FNBP1: variants seen among roughly 807,000 people sequenced by gnomAD.
FNBP1 encodes the protein formin-binding protein 1.
Under a neutral mutation model 90.6 loss-of-function variants are expected in FNBP1, and 26 were observed. The ratio of observed to expected loss-of-function variants is 0.29; its 90% CI spans 0.21 to 0.40. The LOEUF is 0.40. Among genes scored for constraint, FNBP1 ranks in the 10% least tolerant of loss-of-function variants. The probability of loss-of-function intolerance (pLI) is 1.00; values close to 1 mark genes in which losing one functional copy is unlikely to be tolerated. For missense variants in FNBP1, 635 were observed against 768.0 expected (o/e 0.83, Z 2.05); for synonymous variants, 260 against 265.2 (o/e 0.98, Z 0.19).
chr9:129,916,541 TGGGA>T, intron 10 of FNBP1, among the ~76,000 whole-genome samples: 1 of 150,850 alleles, frequency 6.6e-6, no homozygotes, highest in Non-Finnish European at 1.5e-5. Flanking sequence ...CGCTTGAACC[TGGGA>T]GACGGAGGTT....
intron 4 of FNBP1, among the ~76,000 whole-genome samples, chr9:129,972,315 G>A (rs916074070): frequency 4.6e-5 from 7 of 151,844 alleles, no homozygotes; most frequent in Admixed American, 1.3e-4. Flanking sequence ...TATATTTTTA[G>A]TAAAGATGGG....
In FNBP1 at chr9:129,890,398, GGA is replaced by G. The variant is rs35785998; in HGVS notation, c.*139_*140del. On this transcript the variant is annotated 3_prime_UTR_variant, in exon 17 of 17. Transcript: ENST00000446176. This position sits in a 1 kb window ranked among gnomAD's most constrained non-coding sequence, Gnocchi z 5.8. ...AGGGCAGGGCCGCAGGGAGCATGCT[GGA>G]GAGAGAGAGAGACCGCCCCGCAGGG... 1.1e-4 allele frequency: 64 copies of G among 556,544 alleles called. No homozygotes were observed. The highest frequency in any genetic ancestry group is 4.7e-4 in the Middle Eastern group (1 of 2,124). The allele number at this position is 556,544 out of a possible 1,614,324, so 34.5% of individuals were successfully genotyped here. A position where few individuals can be genotyped will look rare whatever the true frequency, so the allele number is the denominator to read the frequency against.
chr9:130,006,281 A>T (rs1351436997), intron 1 of FNBP1, among the ~76,000 whole-genome samples: 1 of 152,054 alleles, frequency 6.6e-6, no homozygotes, highest in African/African-American at 2.4e-5. Context: ...CGTCTCTACT[A>T]AAAATACAAA....
chr9:130,046,972 G>T (rs147903021), upstream of FNBP1, among the ~76,000 whole-genome samples: 513 of 152,100 alleles, frequency 3.4e-3, 7 homozygotes, highest in African/African-American at 0.012. Flanking sequence ...TTTATAAACA[G>T]TTCGTCAAAA....
chr9:130,008,291 A>G (rs1423744149), intron 1 of FNBP1, among the ~76,000 whole-genome samples: 1 of 151,916 alleles, frequency 6.6e-6, no homozygotes, highest in Non-Finnish European at 1.5e-5. Flanking sequence ...TCGAGGCTGC[A>G]GTGAGCCAGA....
chr9:130,047,054 C>T (rs1171180414), upstream of FNBP1, among the ~76,000 whole-genome samples: 1 of 151,992 alleles, frequency 6.6e-6, no homozygotes, highest in Non-Finnish European at 1.5e-5. Context: ...GAGGACCAAG[C>T]CCTCAATTTG....
intron 1 of FNBP1, among the ~76,000 whole-genome samples, chr9:130,009,595 G>A (rs539496275): frequency 6.6e-6 from 1 of 152,214 alleles, no homozygotes; most frequent in African/African-American, 2.4e-5. Flanking sequence ...AAGGTCAAGA[G>A]ATTGAGACTA....
intron 6 of FNBP1, 37 bp from the exon 7 acceptor site, chr9:129,929,732 A>C (rs2042439775): frequency 1.2e-6 from 2 of 1,608,474 alleles, no homozygotes; most frequent in Non-Finnish European, 1.7e-6. Flanking sequence ...ACGTTTATAC[A>C]CCATAGATAA....
At chr9:130,002,126 T>C (rs1422662977) in intron 1 of FNBP1, among the ~76,000 whole-genome samples, 1 of 151,022 alleles carries the variant, frequency 6.6e-6, no homozygotes, top group Admixed American at 6.6e-5. Context: ...CCTGCGGAGG[T>C]TGCAGTGAGC....
At position 130,026,168 on chromosome 9, in the gene FNBP1, G is replaced by A. The variant is rs551121633; in HGVS notation, c.24+16784C>T. On this transcript the variant is annotated intron_variant, in intron 1 of 16. Coordinates refer to ENST00000446176, the MANE Select transcript of FNBP1 (RefSeq NM_015033.3). The stretch of plus-strand genomic sequence containing the variant: ...CCAGATCCACACTCTTGAACAATAT[G>A]ACACACTGACTAAATTGTAGAAATC... Among the ~76,000 whole-genome samples the A allele has an allele frequency of 3.9e-5, 6 of 152,194 alleles. No homozygotes were observed. The South Asian group carries it at 1.2e-3, about 32-fold the overall frequency.
At position 129,900,454 on chromosome 9, in the gene FNBP1, C is replaced by T. The variant is rs750723554; in HGVS notation, c.1522G>A (p.Val508Ile). Residue 508 changes from valine (V) to isoleucine (I), a missense_variant, in exon 14 of 17, where the codon GTC becomes ATC. Physicochemically the swap from Val to Ile is conservative, Grantham distance 29. Coordinates refer to ENST00000446176, the MANE Select transcript of FNBP1 (RefSeq NM_015033.3). The surrounding 1 kb of genome is among the most constrained non-coding windows in gnomAD (Gnocchi z 4.1). The part of the protein sequence containing the change: ...GLYDSQNPPT[V>I]NNCAQDRESP... The stretch of plus-strand genomic sequence containing the variant: ...TCACGGTCCTGGGCGCAGTTGTTGA[C>T]TGTGGGTGGGTTCTGGCTGTCGTAC... 1 of 1,604,092 alleles carries T rather than the reference C, an allele frequency of 6.2e-7. No homozygotes were observed. Among genetic ancestry groups the T allele is most frequent in the Non-Finnish European group, 8.5e-7 (1 of 1,175,796 alleles).
chr9:130,004,875 G>T (rs1338949267), intron 1 of FNBP1, among the ~76,000 whole-genome samples: 1 of 152,046 alleles, frequency 6.6e-6, no homozygotes, highest in African/African-American at 2.4e-5. Flanking sequence ...AGACCAGCCT[G>T]GCCAACATGG....
rs1259076230 is a variant in FNBP1, at chr9:130,025,792, C to T, written c.24+17160G>A. 2.0e-5 allele frequency among the ~76,000 whole-genome samples: 3 copies of T among 152,116 alleles called. No individual in the cohort carries two copies. In the East Asian group the frequency reaches 5.8e-4, roughly 29 times the overall value. On this transcript the variant is annotated intron_variant, in intron 1 of 16. Coordinates refer to ENST00000446176, the MANE Select transcript of FNBP1 (RefSeq NM_015033.3). ...TACAAAAATTAGCCGGGCGTGGTGG[C>T]ACATGCCTGTAATCCCAGCTACTTG... is the stretch of plus-strand genomic sequence containing the variant.
At chr9:130,007,239 C>CAAAAAAAAAAAAA (rs72063140) in intron 1 of FNBP1, among the ~76,000 whole-genome samples, 7 of 76,934 alleles carry the variant, frequency 9.1e-5, no homozygotes, top group Admixed American at 2.0e-4. Context: ...GAGATCCTGT[C>CAAAAAAAAAAAAA]AAAAAAAAAA....
At chr9:129,896,276 C>T (rs1198404425) in intron 15 of FNBP1, among the ~76,000 whole-genome samples, 1 of 152,178 alleles carries the variant, frequency 6.6e-6, no homozygotes, top group Non-Finnish European at 1.5e-5. Flanking sequence ...GTATTTCTCA[C>T]TGGATAAATC....
Position 129,900,766 on chromosome 9 carries a change from G to A in FNBP1, c.1429-219C>T, listed in dbSNP as rs1244628997. The stretch of plus-strand genomic sequence containing the variant: ...CGACTGTTCAAATGTACTGAAGGAC[G>A]GTTGCTTCCATTTCACCCGAAGTTG... On this transcript the variant is annotated intron_variant, in intron 13 of 16. Transcript: ENST00000446176. This position sits in a 1 kb window ranked among gnomAD's most constrained non-coding sequence, Gnocchi z 4.1. 2.6e-5 allele frequency among the ~76,000 whole-genome samples: 4 copies of A among 152,240 alleles called. No homozygotes were observed. The highest frequency in any genetic ancestry group is 6.5e-5 in the Admixed American group (1 of 15,284).
In FNBP1 at chr9:129,900,242, G is replaced by A. The variant is rs534762539; in HGVS notation, c.1551-141C>T. The A allele has an allele frequency of 3.5e-6, 4 of 1,133,770 alleles. No homozygotes were observed. Among genetic ancestry groups the A allele is most frequent in the South Asian group, 3.6e-5 (2 of 55,366 alleles). 70.2% of individuals were successfully genotyped at this position (1,133,770 alleles called of 1,614,324 possible). On this transcript the variant is annotated intron_variant, in intron 14 of 16. Coordinates refer to ENST00000446176, the MANE Select transcript of FNBP1 (RefSeq NM_015033.3). This position sits in a 1 kb window ranked among gnomAD's most constrained non-coding sequence, Gnocchi z 4.1. The stretch of plus-strand genomic sequence containing the variant: ...CTGAGGCCATGGTAAATCATCGCAC[G>A]CTCAGATCACCCATCCCATGTGGAA...
At chr9:129,911,678 A>T (rs2039303462) in intron 11 of FNBP1, among the ~76,000 whole-genome samples, 1 of 152,174 alleles carries the variant, frequency 6.6e-6, no homozygotes, top group Non-Finnish European at 1.5e-5. Flanking sequence ...CACGCCTGTA[A>T]TCCCAGCACT....
chr9:129,943,478 C>A (rs1044046659), intron 6 of FNBP1, among the ~76,000 whole-genome samples: 4 of 150,746 alleles, frequency 2.7e-5, no homozygotes, highest in Non-Finnish European at 5.9e-5. Context: ...CCTTTGCCTC[C>A]CAGCTTCAAG....
Sources: gnomAD v4.1 joint callset for allele counts (sites outside exome capture counted in the v4.1 genomes callset) on GRCh38, gnomAD v4.1.1 for gene constraint, Gnocchi (gnomAD v3.1) non-coding constraint, MANE v1.5 for transcripts, NCBI Gene and HGNC (gene_info 2026-07-23, HGNC 2026-07-21) for gene names.